ADGRL2: variants seen among roughly 807,000 people sequenced by gnomAD.
ADGRL2 encodes the protein calcium-independent alpha-latrotoxin receptor 2.
Under a neutral mutation model 157.4 loss-of-function variants are expected in ADGRL2, and 44 were observed. The ratio of observed to expected loss-of-function variants is 0.28; its 90% CI spans 0.22 to 0.36. ADGRL2 has a LOEUF of 0.36. Among genes scored for constraint, ADGRL2 ranks in the 10% least tolerant of loss-of-function variants. The pLI is 1.00. For missense variants in ADGRL2, 1,510 were observed against 1,768.9 expected (o/e 0.85, Z 2.63); for synonymous variants, 585 against 624.7 (o/e 0.94, Z 0.95).
intron 2 of ADGRL2, among the ~76,000 whole-genome samples, chr1:81,775,613 C>T (rs2149361014): frequency 6.6e-6 from 1 of 150,556 alleles, no homozygotes; most frequent in African/African-American, 2.4e-5. Flanking sequence ...GTGATGTTTA[C>T]AGGAGCCTAA....
intron 1 of ADGRL2, among the ~76,000 whole-genome samples, chr1:81,819,734 A>G (rs2090793149): frequency 6.6e-6 from 1 of 152,120 alleles, no homozygotes; most frequent in Admixed American, 6.6e-5. Flanking sequence ...TTATTTTGCT[A>G]AAGAATACTT....
intron 1 of ADGRL2, among the ~76,000 whole-genome samples, chr1:81,822,028 C>CTTTTT (rs10653806): frequency 0.79 from 98,824 of 124,768 alleles, 39,647 homozygotes; most frequent in East Asian, 0.86. Flanking sequence ...ATATCAGAAA[C>CTTTTT]TTTTTTTTTT....
chr1:81,552,563 T>C (rs1159893576), intron 2 of ADGRL2, among the ~76,000 whole-genome samples: 2 of 143,546 alleles, frequency 1.4e-5, no homozygotes, highest in Non-Finnish European at 3.0e-5. Context: ...TGATGTTTAC[T>C]AGATGAATGC....
intron 17 of ADGRL2, among the ~76,000 whole-genome samples, chr1:81,973,571 A>G (rs17431168): frequency 0.046 from 7,010 of 152,344 alleles, 187 homozygotes; most frequent in East Asian, 0.093. Context: ...AAACATTTCA[A>G]TTAGCAAAAG....
chr1:81,380,139 ACT>A (rs2101042576), intron 1 of ADGRL2, among the ~76,000 whole-genome samples: 1 of 151,728 alleles, frequency 6.6e-6, no homozygotes, highest in South Asian at 2.1e-4. Context: ...TGAGCTACAA[ACT>A]CTAACTTTTT....
intron 1 of ADGRL2, among the ~76,000 whole-genome samples, chr1:81,321,428 C>T (rs539325715): frequency 6.6e-6 from 1 of 152,322 alleles, no homozygotes; most frequent in East Asian, 1.9e-4. Context: ...GAGCTTTTAA[C>T]ATGCCTTTCT....
rs376392296 is a variant in ADGRL2, at chr1:81,542,729, TG to T, written c.-247-38146del. Reference sequence around the variant, plus strand: ...AGTAGAATCATGGCATTATTGCTATTGAATGCCTAGTTAATAACCAGATAAG... The same window carrying T: ...AGTAGAATCATGGCATTATTGCTATTAATGCCTAGTTAATAACCAGATAAG... On this transcript the variant is annotated intron_variant, in intron 2 of 24. Transcript: ENST00000370721. Among the ~76,000 whole-genome samples the T allele has an allele frequency of 6.0e-4, 92 of 152,326 alleles. 1 individual carries two copies. In the Middle Eastern group the frequency reaches 0.034, roughly 56 times the overall value.
intron 3 of ADGRL2, among the ~76,000 whole-genome samples, chr1:81,913,310 T>G (rs2094776236): frequency 6.6e-6 from 1 of 152,194 alleles, no homozygotes; most frequent in Non-Finnish European, 1.5e-5. Context: ...AAGGAATGTG[T>G]TGTTGTATAT....
chr1:81,865,597 G>T (rs10493706), intron 2 of ADGRL2, among the ~76,000 whole-genome samples: 11,688 of 152,094 alleles, frequency 0.077, 537 homozygotes, highest in South Asian at 0.16. Flanking sequence ...TGAGCCGATG[G>T]TACATTTCTC....
intron 16 of ADGRL2, among the ~76,000 whole-genome samples, chr1:81,971,407 C>G (rs1658702257): frequency 6.6e-6 from 1 of 152,162 alleles, no homozygotes; most frequent in Non-Finnish European, 1.5e-5. Flanking sequence ...ACAAACATAA[C>G]ATCTGAACAG....
intron 2 of ADGRL2, among the ~76,000 whole-genome samples, chr1:81,489,379 C>T (rs887722828): frequency 6.6e-6 from 1 of 151,978 alleles, no homozygotes; most frequent in African/African-American, 2.4e-5. Context: ...GAAGAATCAG[C>T]AAACTTGAAG....
chr1:81,581,295 G>C (rs1389072981), intron 3 of ADGRL2, among the ~76,000 whole-genome samples: 2 of 152,154 alleles, frequency 1.3e-5, no homozygotes, highest in Non-Finnish European at 2.9e-5. Flanking sequence ...CTACTAGCTT[G>C]TTATGGTGTT....
chr1:81,811,951 ACT>A (rs1195501660), intron 1 of ADGRL2, among the ~76,000 whole-genome samples: 1 of 151,472 alleles, frequency 6.6e-6, no homozygotes, highest in African/African-American at 2.4e-5. Flanking sequence ...CTTGAAATAC[ACT>A]GTCTGAGTAT....
At chr1:81,907,855 G>A (rs980705414) in intron 3 of ADGRL2, among the ~76,000 whole-genome samples, 4 of 152,084 alleles carry the variant, frequency 2.6e-5, no homozygotes, top group African/African-American at 4.8e-5. Context: ...TATGAGTTTT[G>A]ACAAATGTAT....
At chr1:81,373,614 C>T (rs1410442555) in intron 1 of ADGRL2, among the ~76,000 whole-genome samples, 1 of 152,120 alleles carries the variant, frequency 6.6e-6, no homozygotes, top group African/African-American at 2.4e-5. Context: ...AGCCTCACTT[C>T]TCTTGTAAAA....
chr1:81,733,734 A>T (rs984121077), intron 1 of ADGRL2, among the ~76,000 whole-genome samples: 2 of 152,154 alleles, frequency 1.3e-5, no homozygotes, highest in Non-Finnish European at 2.9e-5. Flanking sequence ...AGCTCTGTGC[A>T]CTTGGAACTT....
At chr1:81,855,956 A>T (rs2093187588) in intron 2 of ADGRL2, among the ~76,000 whole-genome samples, 1 of 152,136 alleles carries the variant, frequency 6.6e-6, no homozygotes, top group Non-Finnish European at 1.5e-5. Context: ...GGAAAGGGTG[A>T]TTTATATAGT....
At chr1:81,571,328 AC>A (rs974863979) in intron 2 of ADGRL2, among the ~76,000 whole-genome samples, 11 of 148,078 alleles carry the variant, frequency 7.4e-5, no homozygotes, top group Non-Finnish European at 1.2e-4. Context: ...TGGCAAAAAA[AC>A]AAATACAAAT....
intron 2 of ADGRL2, chr1:81,505,091 G>A (rs1220691530): frequency 4.7e-6 from 2 of 429,468 alleles, no homozygotes; most frequent in African/African-American, 2.0e-5. Flanking sequence ...TGTAGGAGAG[G>A]AAAGGGAATC....
Sources: allele counts gnomAD v4.1 joint callset (sites outside exome capture counted in the v4.1 genomes callset), GRCh38; gene constraint gnomAD v4.1.1; transcripts MANE v1.5; gene names NCBI Gene and HGNC (gene_info 2026-07-23, HGNC 2026-07-21).